HMCN1: variants seen among roughly 807,000 people sequenced by gnomAD.
The protein encoded by HMCN1 is hemicentin-1.
A neutral mutation model predicts 625.9 loss-of-function variants in HMCN1; 321 were observed. The observed-to-expected ratio is 0.51, with a 90% confidence interval of 0.47 to 0.56. The LOEUF is 0.56. HMCN1 is among the 20% of genes least tolerant of loss of function. HMCN1 has a pLI of 0.00. For synonymous variants in HMCN1, 2,425 were observed against 2,417.6 expected, an observed-to-expected ratio of 1.00 and a Z score of -0.09; for missense variants, 6,588 against 6,887.3, an observed-to-expected ratio of 0.96 and a Z score of 1.54.
Position 186,178,614 on chromosome 1 carries a change from A to G in HMCN1, c.16142A>G (p.Asn5381Ser), listed in dbSNP as rs752509751. The change falls in exon 104 of 107, where the codon AAC becomes AGC. Residue 5381 changes from asparagine to serine, a missense_variant. Physicochemically the swap from Asn to Ser is conservative, Grantham distance 46. Around this residue, in one of 3 missense-constraint regions of HMCN1, gnomAD observed 1,954 missense variants for 2,013.1 expected, o/e 0.97. Coordinates refer to ENST00000271588, the MANE Select transcript of HMCN1 (RefSeq NM_031935.3). ...GCACGGTTCTCCCCTGTGAGAAACA[A>G]CTATCAACCTCAACAGCATTACAGA... The part of the protein sequence containing the change: ...NLARFSPVRN[N>S]YQPQQHYRQY... 1.4e-5 allele frequency: 22 copies of G among 1,614,180 alleles called. No homozygotes were observed. The East Asian group carries it at 4.9e-4, about 36-fold the overall frequency.
chr1:186,137,089 A>C, intron 87 of HMCN1, 152 bp downstream of exon 87: 1 of 960,018 alleles, frequency 1.0e-6, no homozygotes, highest in Non-Finnish European at 1.6e-6. Context: ...TTACAGATTG[A>C]AGGGCCTAAA....
intron 40 of HMCN1, among the ~76,000 whole-genome samples, chr1:186,044,103 G>A (rs1215516354): frequency 1.3e-5 from 2 of 152,196 alleles, no homozygotes; most frequent in Admixed American, 1.3e-4. Flanking sequence ...AGGAAAGAAA[G>A]TGGCACTAAT....
chr1:186,093,682 T>A lies in HMCN1; in HGVS notation c.10196+13T>A, dbSNP rs1450447532. On this transcript the variant is annotated intron_variant, in intron 66 of 106. Transcript: ENST00000271588. ...GACAAGTTATCAGGTCAGCTTTTAT[T>A]GTGTCTGATTTCCTAAACAGATGAA... 3 of 1,613,074 alleles carry A rather than the reference T, an allele frequency of 1.9e-6. No homozygotes were observed. The highest frequency in any genetic ancestry group is 1.7e-4 in the Middle Eastern group (1 of 6,044).
rs188257274 is a variant in HMCN1 at position 186,166,251 on chromosome 1, C to T, written c.15387C>T (p.Tyr5129=). The T allele has an allele frequency of 9.9e-6, 16 of 1,614,146 alleles. No individual in the cohort carries two copies. The East Asian group carries it at 3.3e-4, about 34-fold the overall frequency. Residue 5129 remains tyrosine, a synonymous_variant, in exon 99 of 107, where the codon TAC becomes TAT. Transcript: ENST00000271588. ...GCCACAATGCCATGGGGACTTACTA[C>T]TGCTCCTGCCCTAAAGGCCTCACCA... ...HSCHNAMGTY[Y]CSCPKGLTIA...
At chr1:185,852,137 A>G (rs1317604830) in intron 2 of HMCN1, among the ~76,000 whole-genome samples, 2 of 152,028 alleles carry the variant, frequency 1.3e-5, no homozygotes, top group Non-Finnish European at 2.9e-5. Flanking sequence ...AGAACAGTTG[A>G]TAGAATTAAC....
At chr1:186,136,972 G>T in intron 87 of HMCN1, 35 bp downstream of exon 87, 1 of 1,607,082 alleles carries the variant, frequency 6.2e-7, no homozygotes, top group Non-Finnish European at 8.5e-7. Context: ...ATAGTAAACA[G>T]TACCTGGGGT....
intron 1 of HMCN1, among the ~76,000 whole-genome samples, chr1:185,814,322 C>T (rs909337424): frequency 2.6e-5 from 4 of 152,124 alleles, no homozygotes; most frequent in African/African-American, 7.2e-5. Flanking sequence ...CATCTGTGTA[C>T]TATAAAATTA....
intron 4 of HMCN1, among the ~76,000 whole-genome samples, chr1:185,907,744 G>A (rs954682205): frequency 1.3e-5 from 2 of 151,964 alleles, no homozygotes; most frequent in East Asian, 3.9e-4. Context: ...GAATTTAGCT[G>A]GGGAGGGAGA....
intron 85 of HMCN1, among the ~76,000 whole-genome samples, chr1:186,131,861 A>G (rs1324838480): frequency 3.9e-5 from 6 of 152,120 alleles, no homozygotes; most frequent in Non-Finnish European, 8.8e-5. Flanking sequence ...TCTCTCCTAA[A>G]TTTCAAACGC....
At chr1:186,075,722 A>G (rs993205715) in intron 53 of HMCN1, among the ~76,000 whole-genome samples, 2 of 152,106 alleles carry the variant, frequency 1.3e-5, no homozygotes, top group Non-Finnish European at 2.9e-5. Flanking sequence ...ATTTAACCAG[A>G]CTTCTATTGT....
In HMCN1 at chr1:186,076,630, T is replaced by C. The variant is rs1422010106; in HGVS notation, c.8485+8T>C. On this transcript the variant is annotated splice_region_variant and intron_variant, in intron 54 of 106. Coordinates refer to ENST00000271588, the MANE Select transcript of HMCN1 (RefSeq NM_031935.3). The stretch of plus-strand genomic sequence containing the variant: ...AAGTATTGATTTTGCCAGGTAAAGA[T>C]TGATACCAACAGGGTGAAAAGCTGA... 3 of 1,611,340 alleles carry C rather than the reference T, an allele frequency of 1.9e-6. No individual in the cohort carries two copies. The highest frequency in any genetic ancestry group is 8.5e-7 in the Non-Finnish European group (1 of 1,178,952).
intron 11 of HMCN1, among the ~76,000 whole-genome samples, chr1:185,940,097 A>G (rs887240651): frequency 2.0e-5 from 3 of 152,194 alleles, no homozygotes; most frequent in African/African-American, 7.2e-5. Context: ...CTGCATGTTG[A>G]GTGGTGTAAG....
intron 97 of HMCN1, among the ~76,000 whole-genome samples, chr1:186,163,174 A>G (rs1450363555): frequency 6.6e-6 from 1 of 152,202 alleles, no homozygotes; most frequent in African/African-American, 2.4e-5. Context: ...CTGTGCTAGC[A>G]ATCAGCCAGA....
chr1:186,189,443 G>A (rs1653572373), intron 106 of HMCN1, 69 bp from the exon 107 acceptor site: 1 of 1,570,550 alleles, frequency 6.4e-7, no homozygotes, highest in Non-Finnish European at 8.7e-7. Flanking sequence ...CATGGATCAT[G>A]ATCACCTATA....
rs1239064832 is a variant in HMCN1, at chr1:186,160,407, T to C, written c.15257-4704T>C. Among the ~76,000 whole-genome samples, 4 of 148,202 alleles carry C rather than the reference T, an allele frequency of 2.7e-5. No homozygotes were observed. The Admixed American group carries it at 2.7e-4, about 10-fold the overall frequency. On this transcript the variant is annotated intron_variant, in intron 97 of 106. Transcript: ENST00000271588. The stretch of plus-strand genomic sequence containing the variant: ...CATTAATTTTTTGAAGGGTTTTTTG[T>C]GTCTCTATTTCCTTCAGTTCTGCTC...
chr1:185,811,610 TAAAAA>T (rs905428042), intron 1 of HMCN1, among the ~76,000 whole-genome samples: 1 of 143,530 alleles, frequency 7.0e-6, no homozygotes, highest in African/African-American at 2.5e-5. Context: ...AAAATAAAAA[TAAAAA>T]AAAAAGGAGG....
At chr1:185,917,382 C>G (rs537795601) in intron 6 of HMCN1, among the ~76,000 whole-genome samples, 4 of 152,108 alleles carry the variant, frequency 2.6e-5, no homozygotes, top group Non-Finnish European at 5.9e-5. Context: ...AGGCGTTGAA[C>G]TTGGAATAAT....
chr1:185,779,019 C>G (rs1041066827), intron 1 of HMCN1, among the ~76,000 whole-genome samples: 23 of 152,192 alleles, frequency 1.5e-4, no homozygotes, highest in Non-Finnish European at 2.8e-4. Flanking sequence ...TGTTTCCTGA[C>G]TTTTTAATGA....
In HMCN1 at chr1:186,163,394, C is replaced by G. The variant is rs373922032; in HGVS notation, c.15257-1717C>G. 1.1e-3 allele frequency among the ~76,000 whole-genome samples: 166 copies of G among 152,310 alleles called. 2 individuals are homozygous for G. The highest frequency in any genetic ancestry group is 5.6e-3 in the East Asian group (29 of 5,172). On this transcript the variant is annotated intron_variant, in intron 97 of 106. Coordinates refer to ENST00000271588, the MANE Select transcript of HMCN1 (RefSeq NM_031935.3). ...CAATGCCTCACCCTGCTTCGGCTCA[C>G]GCACGGTGCGCTGCACCCACTGACC...
Sources: allele counts gnomAD v4.1 joint callset (sites outside exome capture counted in the v4.1 genomes callset), GRCh38; gene constraint gnomAD v4.1.1; regional missense constraint gnomAD v4.1.1; transcripts MANE v1.5; gene names NCBI Gene and HGNC (gene_info 2026-07-23, HGNC 2026-07-21).